The following ALKBH7 variants were observed in gnomAD, a reference collection of about 807,000 sequenced individuals.
ALKBH7 encodes alkB homolog 7, RNA demethylase.
Under a neutral mutation model 19.3 loss-of-function variants are expected in ALKBH7, and 21 were observed. The observed-to-expected ratio is 1.09, with a 90% CI of 0.77 to 1.56. The LOEUF (loss-of-function observed/expected upper bound fraction) is 1.56, where lower values mean the gene tolerates loss of function less well. Ranked by LOEUF, ALKBH7 falls within the 40% of genes most tolerant of loss-of-function variation. ALKBH7 has a pLI of 0.00. For missense variants in ALKBH7, 354 were observed against 311.4 expected (o/e 1.14, Z -1.03); for synonymous variants, 147 against 139.5 (o/e 1.05, Z -0.38).
chr19:6,372,905 C>G lies in ALKBH7; in HGVS notation c.85C>G (p.Leu29Val). The G allele has an allele frequency of 6.4e-7, 1 of 1,555,192 alleles. No individual in the cohort carries two copies. Residue 29 changes from leucine (L) to valine (V), a missense_variant, in exon 1 of 4, where the codon CTG becomes GTG. Coordinates refer to ENST00000245812, the MANE Select transcript of ALKBH7 (RefSeq NM_032306.4). Reference protein sequence around the residue: ...RGSGPSVLSRLQDAAVVRPGF... With the variant: ...RGSGPSVLSRVQDAAVVRPGF... ...CTCGGGCCCTTCCGTGCTGAGCCGC[C>G]TGCAGGACGCGGCCGTGGTGCGGCC...
chr19:6,374,031 A>G (rs1342286847), intron 1 of ALKBH7, 172 bp from the exon 2 acceptor site: 2 of 984,760 alleles, frequency 2.0e-6, no homozygotes, highest in African/African-American at 3.5e-5. Flanking sequence ...AGTACTAAGG[A>G]CTGAGGTCAC....
rs750493976 is a variant in ALKBH7, at chr19:6,372,832, T to G, written c.12T>G (p.Thr4=). 3.0e-5 allele frequency: 46 copies of G among 1,544,988 alleles called. No homozygotes were observed. The South Asian group carries it at 5.1e-4, about 17-fold the overall frequency. The stretch of plus-strand genomic sequence containing the variant: ...CCCGCTCCGGGATTATGGCCGGGAC[T>G]GGGCTGCTGGCGCTGCGGACGCTGC... MAG[T]GLLALRTLPG... is the part of the protein sequence containing the mutation. The change falls in exon 1 of 4, where the codon ACT becomes ACG. Residue 4 remains threonine, a synonymous_variant. Transcript: ENST00000245812.
chr19:6,373,888 A>G (rs1844526500), intron 1 of ALKBH7: 1 of 1,328,620 alleles, frequency 7.5e-7, no homozygotes, highest in Non-Finnish European at 9.6e-7. Flanking sequence ...AGGGGCGGAA[A>G]CGGATGTGGA....
chr19:6,375,083 AG>A lies in ALKBH7; in HGVS notation c.*112del. The A allele has an allele frequency of 7.0e-7, 1 of 1,429,172 alleles. No individual in the cohort carries two copies. Among genetic ancestry groups the A allele is most frequent in the Non-Finnish European group, 9.3e-7 (1 of 1,080,636 alleles). 88.5% of individuals were successfully genotyped at this position (1,429,172 alleles called of 1,614,324 possible). On this transcript the variant is annotated 3_prime_UTR_variant, in exon 4 of 4. Coordinates refer to ENST00000245812, the MANE Select transcript of ALKBH7 (RefSeq NM_032306.4). ...GGGGCCGGGATTTGCAGGGGAACCC[AG>A]GATGGCACTGGCCCATAGGGAGCTC...
chr19:6,374,078 T>C (rs1168983671), intron 1 of ALKBH7, 125 bp from the exon 2 acceptor site: 3 of 1,537,320 alleles, frequency 2.0e-6, no homozygotes, highest in East Asian at 2.3e-5. Flanking sequence ...CTAGGGGAGT[T>C]TGAGTTGAGG....
chr19:6,374,781 C>CA, intron 3 of ALKBH7, 30 bp from the exon 4 acceptor site: 1 of 1,602,050 alleles, frequency 6.2e-7, no homozygotes, highest in South Asian at 1.1e-5. Flanking sequence ...GCCCTCCTTG[C>CA]ACCCAGTCAC....
At chr19:6,373,483 A>C in intron 1 of ALKBH7, 2 of 451,448 alleles carry the variant, frequency 4.4e-6, no homozygotes, top group Non-Finnish European at 6.9e-6. Flanking sequence ...AGTCGGGTGT[A>C]GGGTTGGGGT....
At chr19:6,374,688 C>G in intron 3 of ALKBH7, 99 bp downstream of exon 3, 1 of 1,604,660 alleles carries the variant, frequency 6.2e-7, no homozygotes, top group East Asian at 2.2e-5. Context: ...CCCGAAGACG[C>G]CTTTACCCCA....
At position 6,374,822 on chromosome 19, in the gene ALKBH7, G is replaced by A. The variant is rs372968443; in HGVS notation, c.515G>A (p.Arg172His). ...GTTTCTTCCTGCAGGGGCTCAGCCC[G>A]TTATGACTTCTCCCATGAGATCCTT... ...GSLYILRGSA[R>H]YDFSHEILRD... The change falls in exon 4 of 4, where the codon CGT (arginine) becomes CAT (histidine). Residue 172 changes from arginine (R) to histidine (H), a missense_variant. Arg to His is a conservative substitution (Grantham distance 29). Transcript: ENST00000245812. 6.2e-6 allele frequency: 10 copies of A among 1,612,924 alleles called. No homozygotes were observed. The highest frequency in any genetic ancestry group is 8.5e-6 in the Non-Finnish European group (10 of 1,179,124).
Position 6,374,569 on chromosome 19 carries a change from G to C in ALKBH7, c.483G>C (p.Pro161=), listed in dbSNP as rs779849673. 6.2e-7 allele frequency: 1 copy of C among 1,613,416 alleles called. No individual in the cohort carries two copies. Among genetic ancestry groups the C allele is most frequent in the Non-Finnish European group, 8.5e-7 (1 of 1,179,962 alleles). Residue 161 remains proline (P), a synonymous_variant, in exon 3 of 4, where the codon CCG becomes CCC. Transcript: ENST00000245812. The part of the protein sequence containing the change: ...PGEWLELLLE[P]GSLYILRGSA... ...AGTGGCTGGAACTCTTGCTGGAGCC[G>C]GGCTCCCTCTACATCCTTAGGTACC... is the stretch of plus-strand genomic sequence containing the variant.
intron 1 of ALKBH7, chr19:6,373,958 T>G: frequency 2.0e-6 from 2 of 984,382 alleles, no homozygotes; most frequent in Non-Finnish European, 2.4e-6. Context: ...TGTAGGGAGA[T>G]TCAGCCAATT....
At position 6,374,948 on chromosome 19, in the gene ALKBH7, C is replaced by G; in HGVS notation, c.641C>G (p.Ser214Cys). 6.2e-7 allele frequency: 1 copy of G among 1,606,494 alleles called. No homozygotes were observed. Among genetic ancestry groups the G allele is most frequent in the South Asian group, 1.1e-5 (1 of 90,636 alleles). ...SLPEGMGPGE[S>C]GQPPPAC ...CCTGAGGGCATGGGGCCAGGGGAGT[C>G]TGGACAGCCGCCCCCAGCCTGCTGA... The change falls in exon 4 of 4, where the codon TCT becomes TGT. Residue 214 changes from serine (S) to cysteine (C), a missense_variant. By Grantham distance (112) the Ser-to-Cys change is moderately radical. Coordinates refer to ENST00000245812, the MANE Select transcript of ALKBH7 (RefSeq NM_032306.4).
In ALKBH7 at chr19:6,374,348, A is replaced by G. The variant is rs2091909258; in HGVS notation, c.350A>G (p.Tyr117Cys). The G allele has an allele frequency of 6.2e-7, 1 of 1,610,548 alleles. No homozygotes were observed. The highest frequency in any genetic ancestry group is 1.1e-5 in the South Asian group (1 of 90,922). ...VHVLDLEARG[Y>C]IKPHVDSIKF... ...GTGCTGGACCTGGAAGCCCGCGGCT[A>G]CATCAAGCCCCACGTGGACAGCATC... Residue 117 changes from tyrosine (Y) to cysteine (C), a missense_variant, in exon 2 of 4, where the codon TAC (tyrosine) becomes TGC (cysteine). Tyr to Cys is a radical substitution (Grantham distance 194). Transcript: ENST00000245812.
intron 3 of ALKBH7, 87 bp downstream of exon 3, chr19:6,374,676 T>A: frequency 6.2e-7 from 1 of 1,604,818 alleles, no homozygotes; most frequent in East Asian, 2.2e-5. Flanking sequence ...AATCCAGCCC[T>A]CCCCGAAGAC....
chr19:6,374,711 G>C, intron 3 of ALKBH7, 100 bp from the exon 4 acceptor site: 1 of 1,599,122 alleles, frequency 6.3e-7, no homozygotes, highest in Non-Finnish European at 8.5e-7. Flanking sequence ...GTCTGTGTGG[G>C]AGGCAGCAGG....
At position 6,375,177 on chromosome 19, in the gene ALKBH7, C is replaced by A; in HGVS notation, c.*204C>A. The A allele has an allele frequency of 3.1e-6, 4 of 1,297,698 alleles. No individual in the cohort carries two copies. The highest frequency in any genetic ancestry group is 4.0e-6 in the Non-Finnish European group (4 of 987,728). The allele number at this position is 1,297,698 out of a possible 1,614,324, so 80.4% of individuals were successfully genotyped here. ...GGAGAGTGGTGTCCTTTATTGCACT[C>A]ACTGCTGGTCGCCCCAGCCCACTCC... On this transcript the variant is annotated 3_prime_UTR_variant, in exon 4 of 4. Transcript: ENST00000245812.
At chr19:6,374,696 C>T (rs912173051) in intron 3 of ALKBH7, 107 bp downstream of exon 3, 17 of 1,603,740 alleles carry the variant, frequency 1.1e-5, no homozygotes, top group Non-Finnish European at 1.4e-5. Flanking sequence ...CGCCTTTACC[C>T]CAGGGTCTGT....
In ALKBH7 at chr19:6,374,905, G is replaced by A. The variant is rs936825941; in HGVS notation, c.598G>A (p.Val200Met). 3.8e-5 allele frequency: 62 copies of A among 1,613,912 alleles called. No homozygotes were observed. Among genetic ancestry groups the A allele is most frequent in the Admixed American group, 1.7e-4 (10 of 60,008 alleles). The part of the protein sequence containing the change: ...RRIPRGRRIS[V>M]ICRSLPEGMG... ...GATTCCCCGGGGCCGGCGCATCTCCGTGATCTGCCGCTCCCTCCCTGAGGG... is the reference window on the plus strand; with the variant it reads ...GATTCCCCGGGGCCGGCGCATCTCCATGATCTGCCGCTCCCTCCCTGAGGG... Residue 200 changes from valine to methionine, a missense_variant, in exon 4 of 4, where the codon GTG becomes ATG. Physicochemically the swap from Val to Met is conservative, Grantham distance 21. Transcript: ENST00000245812.
At chr19:6,373,604 C>T in intron 1 of ALKBH7, 2 of 1,133,810 alleles carry the variant, frequency 1.8e-6, no homozygotes, top group Non-Finnish European at 1.1e-6. Context: ...GGGCGGGGTC[C>T]GTGGAGTCAA....
Sources: gnomAD v4.1 joint callset for allele counts on GRCh38, gnomAD v4.1.1 for gene constraint, MANE v1.5 for transcripts, NCBI Gene and HGNC (gene_info 2026-07-23, HGNC 2026-07-21) for gene names.